Variants in UIMC1 observed in about 807,000 individuals in gnomAD.
UIMC1 encodes ubiquitin interaction motif containing 1.
Under a neutral mutation model 84.9 loss-of-function variants are expected in UIMC1, and 42 were observed. The ratio of observed to expected loss-of-function variants is 0.49; its 90% CI spans 0.39 to 0.64. The LOEUF is 0.64. Ranked by LOEUF, UIMC1 falls within the 30% of genes least tolerant of loss-of-function variation. UIMC1 has a pLI of 0.00. For missense variants in UIMC1, 825 were observed against 847.6 expected, an observed-to-expected ratio of 0.97 and a Z score of 0.33; for synonymous variants, 281 against 293.0, an observed-to-expected ratio of 0.96 and a Z score of 0.42.
intron 7 of UIMC1, 44 bp downstream of exon 7, chr5:176,958,049 G>A: frequency 6.3e-7 from 1 of 1,591,542 alleles, no homozygotes; most frequent in Admixed American, 1.7e-5. Context: ...CCCTTATGCT[G>A]GCAACCATCA....
At chr5:176,916,920 A>G (rs1761047045) in intron 10 of UIMC1, among the ~76,000 whole-genome samples, 1 of 152,224 alleles carries the variant, frequency 6.6e-6, no homozygotes, top group Non-Finnish European at 1.5e-5. Flanking sequence ...AAGAGGAGGA[A>G]CAATCAACAA....
chr5:176,910,122 C>G (rs1480021898), intron 11 of UIMC1, among the ~76,000 whole-genome samples: 1 of 152,152 alleles, frequency 6.6e-6, no homozygotes, highest in Non-Finnish European at 1.5e-5. Flanking sequence ...ACCAGGAATA[C>G]AGAAATATTC....
intron 10 of UIMC1, among the ~76,000 whole-genome samples, chr5:176,939,201 G>A (rs1764100119): frequency 6.8e-6 from 1 of 147,444 alleles, no homozygotes; most frequent in Non-Finnish European, 1.5e-5. Flanking sequence ...AGGTTGCAAT[G>A]AGCCGTAATT....
intron 10 of UIMC1, among the ~76,000 whole-genome samples, chr5:176,924,244 G>A (rs1762104570): frequency 1.3e-5 from 2 of 151,708 alleles, no homozygotes; most frequent in Admixed American, 1.3e-4. Flanking sequence ...CTTGAACCTG[G>A]GAGGCGGAGG....
chr5:176,956,547 A>ATGG (rs1279431778), intron 7 of UIMC1, among the ~76,000 whole-genome samples: 1 of 152,200 alleles, frequency 6.6e-6, no homozygotes, highest in Non-Finnish European at 1.5e-5. Context: ...ACTGCCCTAC[A>ATGG]GCAAAAATCT....
chr5:176,983,731 C>A (rs1771410405), intron 1 of UIMC1, among the ~76,000 whole-genome samples: 1 of 152,106 alleles, frequency 6.6e-6, no homozygotes, highest in Non-Finnish European at 1.5e-5. Context: ...GCCCGGCCAC[C>A]CCGTCTGGGA....
chr5:176,978,484 G>A (rs186691613), intron 2 of UIMC1, among the ~76,000 whole-genome samples: 1 of 152,002 alleles, frequency 6.6e-6, no homozygotes, highest in East Asian at 1.9e-4. Flanking sequence ...ATTGTGGTAG[G>A]ACATAGAAAA....
rs780260952 is a variant in UIMC1 at position 176,908,591 on chromosome 5, G to A, written c.1780C>T (p.Pro594Ser). The A allele has an allele frequency of 5.6e-6, 9 of 1,614,042 alleles. No individual in the cohort carries two copies. The Admixed American group carries it at 1.5e-4, about 27-fold the overall frequency. Residue 594 changes from proline (P) to serine (S), a missense_variant, in exon 12 of 15, where the codon CCT becomes TCT. Physicochemically the swap from Pro to Ser is moderately conservative, Grantham distance 74. Coordinates refer to ENST00000511320, the MANE Select transcript of UIMC1 (RefSeq NM_001199298.2). ...GAACATGCTCTTCCACTCCCTTCAG[G>A]TCCATCTCCTTGGTCAGCCTTTGCA... ...QLAKADQGDG[P>S]EGSGRACSTV...
In UIMC1 at chr5:176,907,097, G is replaced by C; in HGVS notation, c.1912+17C>G. On this transcript the variant is annotated intron_variant, in intron 13 of 14. Transcript: ENST00000511320. Reference sequence around the variant, plus strand: ...GCCTTAGGCAGAAGCCCAGAAAACTGGTCCTGGGGTCCTCACCTGAAGTCT... The same window carrying C: ...GCCTTAGGCAGAAGCCCAGAAAACTCGTCCTGGGGTCCTCACCTGAAGTCT... 2 of 1,613,070 alleles carry C rather than the reference G, an allele frequency of 1.2e-6. No homozygotes were observed. The highest frequency in any genetic ancestry group is 2.2e-5 in the South Asian group (2 of 90,892).
chr5:176,930,330 C>T (rs551218740), intron 10 of UIMC1, among the ~76,000 whole-genome samples: 3 of 152,246 alleles, frequency 2.0e-5, no homozygotes, highest in South Asian at 4.1e-4. Context: ...TATCCTGAAA[C>T]ATACTTTTTC....
At chr5:176,958,262 A>G (rs1272942064) in intron 6 of UIMC1, 108 bp from the exon 7 acceptor site, 7 of 856,344 alleles carry the variant, frequency 8.2e-6, no homozygotes, top group East Asian at 7.9e-5. Context: ...ACAATTAACA[A>G]TAAGAAGAAA....
At chr5:176,908,783 C>T (rs188389806) in intron 11 of UIMC1, 89 bp from the exon 12 acceptor site, 15 of 1,409,528 alleles carry the variant, frequency 1.1e-5, no homozygotes, top group African/African-American at 4.3e-5. Context: ...TGTGTTTTTA[C>T]GTCGCAAAGT....
chr5:176,977,109 G>A (rs1050696221), intron 2 of UIMC1, among the ~76,000 whole-genome samples: 16 of 151,808 alleles, frequency 1.1e-4, no homozygotes, highest in African/African-American at 3.9e-4. Context: ...TGTAATCCCA[G>A]CTACTCAGGA....
intron 10 of UIMC1, among the ~76,000 whole-genome samples, chr5:176,938,240 T>TAA (rs35080198): frequency 2.6e-3 from 290 of 112,056 alleles, no homozygotes; most frequent in South Asian, 9.2e-3. Flanking sequence ...CCTTCCACAG[T>TAA]AAAAAAAAAA....
At chr5:176,910,376 T>C (rs1759961791) in intron 11 of UIMC1, among the ~76,000 whole-genome samples, 1 of 152,240 alleles carries the variant, frequency 6.6e-6, no homozygotes, top group South Asian at 2.1e-4. Context: ...ATGTCCAAGA[T>C]AGCATGCTTT....
intron 1 of UIMC1, among the ~76,000 whole-genome samples, chr5:176,998,027 C>G (rs1773884875): frequency 2.6e-5 from 4 of 152,066 alleles, no homozygotes; most frequent in Admixed American, 2.6e-4. Flanking sequence ...GTACCATGCA[C>G]CTGTCAAAAT....
intron 1 of UIMC1, among the ~76,000 whole-genome samples, chr5:177,003,546 A>G (rs189974490): frequency 8.1e-4 from 123 of 152,130 alleles, no homozygotes; most frequent in African/African-American, 2.9e-3. Context: ...CCAGCTACTC[A>G]GGAGGCTGAG....
chr5:176,977,057 T>A (rs1294371943), intron 2 of UIMC1, among the ~76,000 whole-genome samples: 1 of 151,946 alleles, frequency 6.6e-6, no homozygotes, highest in Non-Finnish European at 1.5e-5. Flanking sequence ...ACCCAATCTC[T>A]ACTAAAAATA....
intron 1 of UIMC1, among the ~76,000 whole-genome samples, chr5:176,996,542 T>C (rs184368456): frequency 2.0e-5 from 3 of 152,250 alleles, no homozygotes; most frequent in African/African-American, 7.2e-5. Flanking sequence ...ATTTCAGCAC[T>C]TGGAAACTGA....
Sources: allele counts gnomAD v4.1 joint callset (sites outside exome capture counted in the v4.1 genomes callset), GRCh38; gene constraint gnomAD v4.1.1; transcripts MANE v1.5; gene names NCBI Gene and HGNC (gene_info 2026-07-23, HGNC 2026-07-21).